Variants in LRRC37B observed in about 807,000 individuals in gnomAD.
The protein encoded by LRRC37B is leucine rich repeat containing 37B.
Under a neutral mutation model 98.3 loss-of-function variants are expected in LRRC37B, and 28 were observed. The ratio of observed to expected loss-of-function variants is 0.28; its 90% CI spans 0.21 to 0.39. The LOEUF is 0.39. Among genes scored for constraint, LRRC37B ranks in the 10% least tolerant of loss-of-function variants. LRRC37B has a pLI of 1.00. For synonymous variants in LRRC37B, 364 were observed against 442.7 expected (o/e 0.82, Z 2.23); for missense variants, 938 against 1,182.7 (o/e 0.79, Z 3.03).
chr17:32,022,035 C>A (rs1271890446), exon 1 of LRRC37B: 2 of 1,613,900 alleles, frequency 1.2e-6, no homozygotes, highest in African/African-American at 1.3e-5. Context: ...GGAGGTAGAA[C>A]CTTCAACCCA....
chr17:32,049,122 C>T (rs1911671977), exon 10 of LRRC37B: 1 of 1,613,788 alleles, frequency 6.2e-7, no homozygotes, highest in Non-Finnish European at 8.5e-7. Context: ...TGAAATTCAG[C>T]TAACCGAGCA....
chr17:32,026,445 C>G (rs866434190), intron 2 of LRRC37B, among the ~76,000 whole-genome samples: 1 of 151,750 alleles, frequency 6.6e-6, no homozygotes, highest in African/African-American at 2.4e-5. Context: ...ATTTATTTTT[C>G]GAGATGGAAT....
intron 8 of LRRC37B, among the ~76,000 whole-genome samples, chr17:32,046,599 C>CTTTTTTTTTTTTTTTTT (rs796570580): frequency 7.5e-6 from 1 of 132,826 alleles, no homozygotes. Flanking sequence ...TTCTTTTTTT[C>CTTTTTTTTTTTTTTTTT]TTTTTTTTTT....
chr17:32,052,323 T>TTG (rs1238610895), intron 11 of LRRC37B: 1 of 152,022 alleles, frequency 6.6e-6, no homozygotes, highest in Non-Finnish European at 1.5e-5. Context: ...TGGCTGGGAC[T>TTG]ACAGGCAGGC....
chr17:32,047,563 G>T, intron 8 of LRRC37B, 198 bp from the exon 12 acceptor site: 1 of 689,130 alleles, frequency 1.5e-6, no homozygotes, highest in Non-Finnish European at 2.4e-6. Flanking sequence ...AATGTTCCAA[G>T]TAGGTGGCCA....
At chr17:32,022,362 G>T (rs745851694) in exon 1 of LRRC37B, 1 of 1,613,872 alleles carries the variant, frequency 6.2e-7, no homozygotes, top group South Asian at 1.1e-5. Flanking sequence ...CAAGGGTCAG[G>T]CTCAGCATTC....
intron 1 of LRRC37B, among the ~76,000 whole-genome samples, chr17:32,013,708 ATATG>A (rs1308717902): frequency 1.5e-5 from 2 of 130,284 alleles, no homozygotes; most frequent in Admixed American, 7.5e-5. Flanking sequence ...TTATAATTGT[ATATG>A]TGTGTGTGTG....
intron 1 of LRRC37B, among the ~76,000 whole-genome samples, chr17:32,023,454 C>G (rs1910861362): frequency 6.6e-6 from 1 of 152,208 alleles, no homozygotes; most frequent in South Asian, 2.1e-4. Flanking sequence ...GCCTGTCACT[C>G]TCCCAATCTC....
At chr17:32,041,542 C>G in intron 7 of LRRC37B, 1 of 508,084 alleles carries the variant, frequency 2.0e-6, no homozygotes, top group Non-Finnish European at 3.8e-6. Flanking sequence ...CTGGTGCCCC[C>G]GCCCCGCCCC....
chr17:32,045,965 A>T, intron 8 of LRRC37B, 147 bp downstream of exon 11: 2 of 917,024 alleles, frequency 2.2e-6, no homozygotes, highest in East Asian at 5.5e-5. Context: ...CTTCTGAATG[A>T]CTCCCTTGCT....
chr17:32,023,568 G>A (rs553951704), intron 1 of LRRC37B, among the ~76,000 whole-genome samples: 27 of 152,238 alleles, frequency 1.8e-4, no homozygotes, highest in African/African-American at 6.5e-4. Context: ...AAGTTATTCT[G>A]CTCTGTGACT....
exon 4 of LRRC37B, chr17:32,030,727 T>C (rs1361843785): frequency 2.9e-5 from 41 of 1,408,376 alleles, no homozygotes; most frequent in East Asian, 1.2e-4. Flanking sequence ...TTGCAGTATA[T>C]GTAAGTTACA....
intron 9 of LRRC37B, 76 bp from the exon 13 acceptor site, chr17:32,049,026 T>C: frequency 1.2e-6 from 2 of 1,608,288 alleles, no homozygotes; most frequent in Non-Finnish European, 1.7e-6. Context: ...TGAGACAAAA[T>C]GGGAATACAA....
At chr17:32,038,538 T>C (rs1911316636) in intron 7 of LRRC37B, among the ~76,000 whole-genome samples, 1 of 152,144 alleles carries the variant, frequency 6.6e-6, no homozygotes, top group Non-Finnish European at 1.5e-5. Context: ...TCTCTCAGAT[T>C]GTGGTTTGTC....
At chr17:32,007,561 G>C (rs1343714764), upstream of LRRC37B, among the ~76,000 whole-genome samples, 1 of 139,242 alleles carries the variant, frequency 7.2e-6, no homozygotes, top group Admixed American at 7.0e-5. The surrounding 1 kb of genome is among the most constrained non-coding windows in gnomAD (Gnocchi z 4.1). Context: ...CACTGCGCCC[G>C]GCCCTCCCCG....
chr17:32,052,886 T>A (rs560233740), intron 11 of LRRC37B: 32,027 of 167,454 alleles, frequency 0.19, 3,977 homozygotes, highest in African/African-American at 0.36. Flanking sequence ...TTGCGGCTGC[T>A]GTGAGCTGTG....
intron 1 of LRRC37B, among the ~76,000 whole-genome samples, chr17:32,015,408 T>C (rs1302431860): frequency 6.6e-6 from 1 of 152,208 alleles, no homozygotes; most frequent in African/African-American, 2.4e-5. Context: ...GATTAAATAA[T>C]TAGATTTTAT....
chr17:32,046,599 C>CTTT (rs796570580), intron 8 of LRRC37B, among the ~76,000 whole-genome samples: 7,911 of 130,516 alleles, frequency 0.061, 3 homozygotes, highest in African/African-American at 0.1. Flanking sequence ...TTCTTTTTTT[C>CTTT]TTTTTTTTTT....
At chr17:32,046,398 C>T (rs186029867) in intron 8 of LRRC37B, among the ~76,000 whole-genome samples, 60 of 152,070 alleles carry the variant, frequency 3.9e-4, no homozygotes, top group African/African-American at 8.9e-4. Flanking sequence ...GAATCTCAAA[C>T]CTTTCTATTC....
Sources: gnomAD v4.1 joint callset for allele counts (sites outside exome capture counted in the v4.1 genomes callset) on GRCh38, gnomAD v4.1.1 for gene constraint, Gnocchi (gnomAD v3.1) non-coding constraint, MANE v1.5 for transcripts, NCBI Gene and HGNC (gene_info 2026-07-23, HGNC 2026-07-21) for gene names.